Variants in MACROD2 observed in about 807,000 individuals in gnomAD.
The protein encoded by MACROD2 is ADP-ribose glycohydrolase MACROD2.
Under a neutral mutation model 70.4 loss-of-function variants are expected in MACROD2, and 36 were observed. The ratio of observed to expected loss-of-function variants is 0.51; its 90% CI spans 0.39 to 0.68. MACROD2 has a LOEUF of 0.68. Ranked by LOEUF, MACROD2 falls within the 30% of genes least tolerant of loss-of-function variation. The pLI, the probability that MACROD2 is intolerant of heterozygous loss-of-function variation, is 0.00. For missense variants in MACROD2, 496 were observed against 538.4 expected (o/e 0.92, Z 0.78); for synonymous variants, 172 against 178.8 (o/e 0.96, Z 0.30).
At chr20:14,817,770 G>A (rs1371094623) in intron 5 of MACROD2, among the ~76,000 whole-genome samples, 3 of 152,146 alleles carry the variant, frequency 2.0e-5, no homozygotes, top group South Asian at 2.1e-4. Flanking sequence ...AAGGGACAAC[G>A]GAGGTAGGAT....
intron 8 of MACROD2, among the ~76,000 whole-genome samples, chr20:15,683,843 G>A (rs1600756145): frequency 6.6e-6 from 1 of 152,126 alleles, no homozygotes; most frequent in South Asian, 2.1e-4. Flanking sequence ...GCCTCCCAAG[G>A]TGCTGAGATT....
chr20:15,751,694 C>T (rs2051272385), intron 8 of MACROD2, among the ~76,000 whole-genome samples: 1 of 151,852 alleles, frequency 6.6e-6, no homozygotes, highest in Non-Finnish European at 1.5e-5. Context: ...GAAGGTCCTA[C>T]ATAAGGCCCA....
intron 6 of MACROD2, among the ~76,000 whole-genome samples, chr20:15,409,821 C>T (rs1375904263): frequency 6.6e-6 from 1 of 152,142 alleles, no homozygotes; most frequent in Non-Finnish European, 1.5e-5. Context: ...GTCACAGGGG[C>T]TTGCAATGAG....
At chr20:14,369,491 C>T (rs1362301986) in intron 3 of MACROD2, among the ~76,000 whole-genome samples, 6 of 152,110 alleles carry the variant, frequency 3.9e-5, no homozygotes, top group African/African-American at 1.4e-4. Context: ...TTGGTTTCAG[C>T]ATTTTCTTGG....
At chr20:14,574,935 C>T (rs1228049063) in intron 4 of MACROD2, among the ~76,000 whole-genome samples, 4 of 143,266 alleles carry the variant, frequency 2.8e-5, no homozygotes, top group African/African-American at 5.2e-5. Flanking sequence ...GGCGTGAACC[C>T]GGGAAGCGGA....
chr20:14,067,622 T>C (rs903436850), intron 2 of MACROD2, among the ~76,000 whole-genome samples: 3 of 152,244 alleles, frequency 2.0e-5, no homozygotes, highest in African/African-American at 7.2e-5. Flanking sequence ...TGTATTCATA[T>C]CACAATTTTT....
At chr20:14,949,576 A>G (rs1306267247) in intron 5 of MACROD2, among the ~76,000 whole-genome samples, 3 of 152,190 alleles carry the variant, frequency 2.0e-5, no homozygotes, top group Non-Finnish European at 4.4e-5. Flanking sequence ...AATAAAAAGT[A>G]ATGCAGACGC....
chr20:15,765,206 C>T (rs554814592), intron 8 of MACROD2, among the ~76,000 whole-genome samples: 79 of 152,090 alleles, frequency 5.2e-4, no homozygotes, highest in Non-Finnish European at 7.6e-4. Flanking sequence ...GTTTTCCTCT[C>T]GAAGAAAGGA....
intron 3 of MACROD2, among the ~76,000 whole-genome samples, chr20:14,181,837 C>T (rs1468077369): frequency 6.6e-6 from 1 of 152,080 alleles, no homozygotes; most frequent in Non-Finnish European, 1.5e-5. Context: ...TTTTTGATGG[C>T]CAAATACTAT....
chr20:14,589,063 T>G (rs777745536), intron 4 of MACROD2, among the ~76,000 whole-genome samples: 2 of 152,218 alleles, frequency 1.3e-5, no homozygotes, highest in African/African-American at 4.8e-5. Context: ...GTTTCTGTAT[T>G]TGAAATCCCA....
At chr20:14,138,429 TA>T (rs1024584427) in intron 3 of MACROD2, among the ~76,000 whole-genome samples, 9 of 151,796 alleles carry the variant, frequency 5.9e-5, no homozygotes, top group Middle Eastern at 3.4e-3. Context: ...ATTCAGCCTT[TA>T]AAAAAAAGGA....
At chr20:14,990,975 GA>G (rs1438101079) in intron 5 of MACROD2, among the ~76,000 whole-genome samples, 1 of 152,170 alleles carries the variant, frequency 6.6e-6, no homozygotes, top group East Asian at 1.9e-4. Flanking sequence ...TAAAGATCAA[GA>G]AGGGGCAGAA....
chr20:15,792,002 GTAT>G (rs2063628620), intron 8 of MACROD2, among the ~76,000 whole-genome samples: 1 of 152,006 alleles, frequency 6.6e-6, no homozygotes, highest in Admixed American at 6.6e-5. Flanking sequence ...GCTGGAAATA[GTAT>G]TATCTATATA....
intron 8 of MACROD2, among the ~76,000 whole-genome samples, chr20:15,769,731 A>G (rs2051590157): frequency 6.6e-6 from 1 of 152,208 alleles, no homozygotes; most frequent in African/African-American, 2.4e-5. Flanking sequence ...GACTATATAT[A>G]TCCTTAAAGT....
intron 15 of MACROD2, among the ~76,000 whole-genome samples, chr20:15,991,277 G>A (rs1004207848): frequency 2.6e-5 from 4 of 152,170 alleles, no homozygotes; most frequent in African/African-American, 9.7e-5. Flanking sequence ...ATCTTTTAGT[G>A]AACACATAGC....
intron 5 of MACROD2, among the ~76,000 whole-genome samples, chr20:14,726,634 C>T (rs958408793): frequency 2.0e-5 from 3 of 152,162 alleles, no homozygotes; most frequent in South Asian, 4.1e-4. Context: ...CTAATTTTAT[C>T]GTCAAAACAA....
rs1303594347 is a variant in MACROD2, at chr20:15,886,899, A to G, written c.775+1088A>G. 3.3e-5 allele frequency among the ~76,000 whole-genome samples: 5 copies of G among 152,124 alleles called. No individual in the cohort carries two copies. The East Asian group carries it at 9.6e-4, about 29-fold the overall frequency. On this transcript the variant is annotated intron_variant, in intron 10 of 17. Transcript: ENST00000684519. ...TTGGACCATAGTAAAGATTCAGTAAATTATTGCTTTTTTCTTTCTCATTCT... is the reference window on the plus strand; with the variant it reads ...TTGGACCATAGTAAAGATTCAGTAAGTTATTGCTTTTTTCTTTCTCATTCT...
At chr20:14,043,387 A>G (rs2053422187) in intron 2 of MACROD2, among the ~76,000 whole-genome samples, 2 of 152,322 alleles carry the variant, frequency 1.3e-5, no homozygotes, top group African/African-American at 2.4e-5. Flanking sequence ...AAAGAGATGG[A>G]TAGGGCAAGG....
chr20:15,583,811 T>G (rs2048560069), intron 8 of MACROD2, among the ~76,000 whole-genome samples: 1 of 152,112 alleles, frequency 6.6e-6, no homozygotes, highest in Non-Finnish European at 1.5e-5. Flanking sequence ...GCCCGGCTTT[T>G]TATATTTTCT....
Sources: gnomAD v4.1 joint callset for allele counts (sites outside exome capture counted in the v4.1 genomes callset) on GRCh38, gnomAD v4.1.1 for gene constraint, MANE v1.5 for transcripts, NCBI Gene and HGNC (gene_info 2026-07-23, HGNC 2026-07-21) for gene names.